NFIA: variants seen among roughly 807,000 people sequenced by gnomAD.
The protein encoded by NFIA is nuclear factor I A.
NFIA carries 8 observed loss-of-function variants against 62.8 expected under a neutral mutation model. That is an observed-to-expected ratio of 0.13 (90% CI 0.07 to 0.23). The LOEUF (loss-of-function observed/expected upper bound fraction) is 0.23, where lower values mean the gene tolerates loss of function less well. Among genes scored for constraint, NFIA ranks in the 10% least tolerant of loss-of-function variants. The pLI is 1.00. For missense variants in NFIA, 410 were observed against 642.1 expected, an observed-to-expected ratio of 0.64 and a Z score of 3.91; for synonymous variants, 235 against 238.1, an observed-to-expected ratio of 0.99 and a Z score of 0.12.
chr1:61,191,270 A>G (rs1043903587), intron 2 of NFIA, among the ~76,000 whole-genome samples: 6 of 152,146 alleles, frequency 3.9e-5, no homozygotes, highest in African/African-American at 1.4e-4. Flanking sequence ...GGATTTGGCT[A>G]TCAAAAATAC....
chr1:61,434,536 C>T (rs1440606093), intron 10 of NFIA, among the ~76,000 whole-genome samples: 5 of 152,126 alleles, frequency 3.3e-5, no homozygotes, highest in Non-Finnish European at 5.9e-5. Flanking sequence ...GGCAGCATGT[C>T]GTAGACATCC....
intron 10 of NFIA, among the ~76,000 whole-genome samples, chr1:61,430,188 C>T (rs1667041157): frequency 6.6e-6 from 1 of 152,130 alleles, no homozygotes; most frequent in Admixed American, 6.5e-5. Context: ...AGCAAGTGGA[C>T]TGTTGATCAG....
At chr1:61,218,611 T>C (rs1653800878) in intron 2 of NFIA, among the ~76,000 whole-genome samples, 1 of 152,220 alleles carries the variant, frequency 6.6e-6, no homozygotes, top group Admixed American at 6.5e-5. Flanking sequence ...TTTTACTATG[T>C]AGGGATTTAT....
At chr1:61,077,591 T>C, upstream of NFIA, 2 of 1,375,154 alleles carry the variant, frequency 1.5e-6, no homozygotes, top group Non-Finnish European at 1.9e-6. Context: ...CGTCTGAGCA[T>C]TTTAAAGTTT....
At chr1:61,356,874 C>T (rs1662981534) in intron 5 of NFIA, among the ~76,000 whole-genome samples, 1 of 152,186 alleles carries the variant, frequency 6.6e-6, no homozygotes, top group Admixed American at 6.5e-5. Context: ...AATTGGCCCT[C>T]CACATTTTTT....
chr1:61,080,015 C>A (rs550162831), upstream of NFIA, among the ~76,000 whole-genome samples: 3 of 152,120 alleles, frequency 2.0e-5, no homozygotes, highest in Non-Finnish European at 2.9e-5. Flanking sequence ...CCGCCTCCCC[C>A]CCTCCCTCCG....
intron 2 of NFIA, among the ~76,000 whole-genome samples, chr1:61,182,674 T>C (rs1366497037): frequency 6.6e-6 from 1 of 152,254 alleles, no homozygotes; most frequent in Non-Finnish European, 1.5e-5. Context: ...ACCTAAGTTA[T>C]TGTTCCATAA....
In NFIA at chr1:61,185,413, G is replaced by A. The variant is rs144079042; in HGVS notation, c.560-92107G>A. ...TTGAAGCCACCATCATCCTTACCCA[G>A]ACTACTTGGGTAATCCTGAGTATTC... On this transcript the variant is annotated intron_variant, in intron 2 of 10. Transcript: ENST00000403491. 1.0e-2 allele frequency among the ~76,000 whole-genome samples: 1,515 copies of A among 152,260 alleles called. 17 individuals are homozygous for A. The highest frequency in any genetic ancestry group is 0.061 in the Middle Eastern group (18 of 294).
intron 10 of NFIA, among the ~76,000 whole-genome samples, chr1:61,429,144 A>G (rs1013485465): frequency 3.9e-5 from 6 of 152,252 alleles, no homozygotes; most frequent in Non-Finnish European, 8.8e-5. Context: ...TGCAGACATT[A>G]TAAGTAGGCA....
intron 2 of NFIA, among the ~76,000 whole-genome samples, chr1:61,229,830 A>C (rs1041143384): frequency 6.6e-6 from 1 of 152,256 alleles, no homozygotes. Flanking sequence ...TTTTAAAACC[A>C]GTAACAAAGG....
chr1:61,443,226 A>G (rs1053474982), intron 10 of NFIA, among the ~76,000 whole-genome samples: 3 of 152,196 alleles, frequency 2.0e-5, no homozygotes, highest in Non-Finnish European at 2.9e-5. Flanking sequence ...CTTCCGCCAG[A>G]CAGAGAGGAA....
At position 61,456,070 on chromosome 1, in the gene NFIA, C is replaced by T. The variant is rs552197847; in HGVS notation, c.*750C>T. The T allele has an allele frequency of 2.0e-5, 3 of 152,360 alleles. No individual in the cohort carries two copies. Among genetic ancestry groups the T allele is most frequent in the African/African-American group, 7.2e-5 (3 of 41,508 alleles). 9.4% of individuals were successfully genotyped at this position (152,360 alleles called of 1,614,324 possible). On this transcript the variant is annotated 3_prime_UTR_variant, in exon 11 of 11. Transcript: ENST00000403491. ...AAAAACAACAACAACATTTTTTCAA[C>T]AATTTCAACAATGACACAAAAATTC...
At chr1:61,165,683 A>G (rs932547452) in intron 2 of NFIA, among the ~76,000 whole-genome samples, 8 of 152,160 alleles carry the variant, frequency 5.3e-5, no homozygotes, top group African/African-American at 1.4e-4. Context: ...ATTTCTGCCA[A>G]TTTGGTCCTG....
At chr1:61,138,385 T>C (rs1038451805) in intron 2 of NFIA, among the ~76,000 whole-genome samples, 1 of 152,160 alleles carries the variant, frequency 6.6e-6, no homozygotes, top group African/African-American at 2.4e-5. Context: ...CATGAGCCAC[T>C]GCTCTGGCCA....
intron 2 of NFIA, among the ~76,000 whole-genome samples, chr1:61,234,975 C>T (rs1654903490): frequency 6.6e-6 from 1 of 152,112 alleles, no homozygotes; most frequent in African/African-American, 2.4e-5. Flanking sequence ...ATTTTAGTTC[C>T]TCCCTCTTCC....
intron 5 of NFIA, among the ~76,000 whole-genome samples, chr1:61,353,296 A>C (rs1288594454): frequency 1.3e-5 from 2 of 152,214 alleles, no homozygotes; most frequent in African/African-American, 4.8e-5. Context: ...CCTTAAAAAC[A>C]GTAAAGCTAG....
intron 9 of NFIA, among the ~76,000 whole-genome samples, chr1:61,419,390 A>ATCACTGCAC (rs1190735034): frequency 2.0e-5 from 3 of 152,174 alleles, no homozygotes; most frequent in African/African-American, 7.2e-5. Context: ...CTATGATGAC[A>ATCACTGCAC]TCACTGCACT....
intron 2 of NFIA, among the ~76,000 whole-genome samples, chr1:61,156,260 T>C (rs958144223): frequency 2.6e-5 from 4 of 152,264 alleles, no homozygotes; most frequent in Non-Finnish European, 5.9e-5. Context: ...TTTTCCAAGG[T>C]AAAATAAGTT....
chr1:61,110,858 G>GAA (rs1646683394), intron 2 of NFIA, among the ~76,000 whole-genome samples: 1 of 152,050 alleles, frequency 6.6e-6, no homozygotes, highest in Admixed American at 6.6e-5. Flanking sequence ...AAGGATATTA[G>GAA]GGATTGTCAC....
Sources: gnomAD v4.1 joint callset for allele counts (sites outside exome capture counted in the v4.1 genomes callset) on GRCh38, gnomAD v4.1.1 for gene constraint, MANE v1.5 for transcripts, NCBI Gene and HGNC (gene_info 2026-07-23, HGNC 2026-07-21) for gene names.